PLCB4: variants seen among roughly 807,000 people sequenced by gnomAD.
PLCB4 encodes the protein 1-phosphatidylinositol 4,5-bisphosphate phosphodiesterase beta-4.
In PLCB4, 77 loss-of-function variants were observed where a neutral mutation model predicts 178.8. The ratio of observed to expected loss-of-function variants is 0.43; its 90% CI spans 0.36 to 0.52. The LOEUF (loss-of-function observed/expected upper bound fraction) is 0.52. Among genes scored for constraint, PLCB4 ranks in the 20% least tolerant of loss-of-function variants. PLCB4 has a pLI of 0.00. For synonymous variants in PLCB4, 496 were observed against 490.8 expected (o/e 1.01, Z -0.14); for missense variants, 1,024 against 1,453.4 (o/e 0.70, Z 4.80).
intron 3 of PLCB4, among the ~76,000 whole-genome samples, chr20:9,221,684 G>A (rs2093800695): frequency 6.6e-6 from 1 of 152,108 alleles, no homozygotes; most frequent in Non-Finnish European, 1.5e-5. Context: ...TGCAGTGTTG[G>A]GAGACACCTA....
intron 35 of PLCB4, among the ~76,000 whole-genome samples, chr20:9,461,011 C>T (rs549806020): frequency 3.0e-4 from 46 of 152,238 alleles, no homozygotes; most frequent in African/African-American, 1.1e-3. Flanking sequence ...ATTCACTATG[C>T]AGAAAGTTGT....
chr20:9,098,739 ATATGTG>A (rs2091020336), intron 2 of PLCB4, among the ~76,000 whole-genome samples: 1 of 49,256 alleles, frequency 2.0e-5, no homozygotes, highest in African/African-American at 8.1e-5. Context: ...ATATATACAT[ATATGTG>A]TGTGTGTGTG....
At chr20:9,124,336 A>AG (rs2092054504) in intron 2 of PLCB4, among the ~76,000 whole-genome samples, 1 of 152,118 alleles carries the variant, frequency 6.6e-6, no homozygotes, top group South Asian at 2.1e-4. Context: ...AAATAAAAAA[A>AG]TAAAAATTAC....
intron 3 of PLCB4, among the ~76,000 whole-genome samples, chr20:9,304,710 G>C (rs1205211102): frequency 2.0e-5 from 3 of 152,044 alleles, no homozygotes; most frequent in Non-Finnish European, 4.4e-5. Flanking sequence ...CACATGCTTA[G>C]ATATTAATGG....
intron 2 of PLCB4, among the ~76,000 whole-genome samples, chr20:9,215,034 A>T (rs2093714129): frequency 6.6e-6 from 1 of 152,182 alleles, no homozygotes; most frequent in African/African-American, 2.4e-5. Flanking sequence ...ATGGTATGGC[A>T]GGATCATTAA....
Position 9,408,727 on chromosome 20 carries a change from T to C in PLCB4, c.1874+10T>C, listed in dbSNP as rs759413726. ...CAATTGAATTTGTCAAGTATCCTTATGTATCAAGTGGAATGAGTGGTTGAC... is the reference window on the plus strand; with the variant it reads ...CAATTGAATTTGTCAAGTATCCTTACGTATCAAGTGGAATGAGTGGTTGAC... On this transcript the variant is annotated intron_variant, in intron 23 of 39. Transcript: ENST00000378473. 7 of 1,431,426 alleles carry C rather than the reference T, an allele frequency of 4.9e-6. No individual in the cohort carries two copies. Among genetic ancestry groups the C allele is most frequent in the Middle Eastern group, 1.7e-4 (1 of 5,796 alleles). The allele number at this position is 1,431,426 out of a possible 1,614,324, so 88.7% of individuals were successfully genotyped here. A position where few individuals can be genotyped will look rare whatever the true frequency, so the allele number is the denominator to read the frequency against.
At chr20:9,269,726 A>G (rs1014248229) in intron 3 of PLCB4, among the ~76,000 whole-genome samples, 1 of 152,204 alleles carries the variant, frequency 6.6e-6, no homozygotes, top group Non-Finnish European at 1.5e-5. Flanking sequence ...AAGATTTAAT[A>G]CATGGGGATT....
At chr20:9,338,851 T>C in intron 6 of PLCB4, 43 bp from the exon 7 acceptor site, 1 of 1,530,714 alleles carries the variant, frequency 6.5e-7, no homozygotes, top group Non-Finnish European at 9.0e-7. Flanking sequence ...CCATGCTCTG[T>C]GATGTAACTT....
intron 3 of PLCB4, among the ~76,000 whole-genome samples, chr20:9,232,248 T>C (rs2093941237): frequency 6.6e-6 from 1 of 152,168 alleles, no homozygotes; most frequent in African/African-American, 2.4e-5. Flanking sequence ...CCAGTTAGCA[T>C]AGATACATTT....
chr20:9,110,613 C>G (rs1474141629), intron 2 of PLCB4, among the ~76,000 whole-genome samples: 3 of 152,170 alleles, frequency 2.0e-5, no homozygotes, highest in Non-Finnish European at 4.4e-5. Flanking sequence ...CACCAGAAAT[C>G]TGAGAACAGT....
intron 2 of PLCB4, among the ~76,000 whole-genome samples, chr20:9,201,582 T>C (rs150647489): frequency 8.3e-4 from 127 of 152,306 alleles, no homozygotes; most frequent in African/African-American, 2.8e-3. Flanking sequence ...AAAAAGGACA[T>C]AATAATACAT....
In PLCB4 at chr20:9,190,051, A is replaced by T. The variant is rs374599200; in HGVS notation, c.-78-27339A>T. Among the ~76,000 whole-genome samples the T allele has an allele frequency of 4.6e-5, 7 of 152,222 alleles. No homozygotes were observed. The East Asian group carries it at 1.2e-3, about 25-fold the overall frequency. On this transcript the variant is annotated intron_variant, in intron 2 of 39. Transcript: ENST00000378473. ...AGGCACAAACTCACATTTGGTTGAG[A>T]ACCACTGCTTCACACCAAAGTAAGG...
intron 4 of PLCB4, among the ~76,000 whole-genome samples, chr20:9,309,802 T>G (rs2094809535): frequency 6.6e-6 from 1 of 152,220 alleles, no homozygotes. Flanking sequence ...GAATCCTTCT[T>G]ATTGCTTGTG....
At chr20:9,386,251 A>C (rs2037652985) in intron 14 of PLCB4, among the ~76,000 whole-genome samples, 1 of 151,012 alleles carries the variant, frequency 6.6e-6, no homozygotes, top group African/African-American at 2.4e-5. Context: ...AGACCGAAGA[A>C]AGGAGGGAGG....
At chr20:9,384,150 A>G in intron 13 of PLCB4, 51 bp from the exon 14 acceptor site, 1 of 1,302,502 alleles carries the variant, frequency 7.7e-7, no homozygotes, top group East Asian at 2.3e-5. Context: ...AAAACATGAG[A>G]TATGCATCTT....
At chr20:9,106,580 A>T (rs922308464) in intron 2 of PLCB4, among the ~76,000 whole-genome samples, 1 of 152,004 alleles carries the variant, frequency 6.6e-6, no homozygotes, top group Non-Finnish European at 1.5e-5. Context: ...ATCAGACATA[A>T]AATTAACTCT....
chr20:9,158,714 TC>T (rs2092833562), intron 2 of PLCB4, among the ~76,000 whole-genome samples: 1 of 152,174 alleles, frequency 6.6e-6, no homozygotes. Context: ...TTAGTGTTAT[TC>T]AATCCTAAGT....
chr20:9,342,684 A>T (rs1601963318), intron 7 of PLCB4, among the ~76,000 whole-genome samples: 7 of 140,406 alleles, frequency 5.0e-5, no homozygotes, highest in African/African-American at 8.0e-5. Flanking sequence ...CCTGTACTTT[A>T]CTCTGAATGC....
intron 3 of PLCB4, among the ~76,000 whole-genome samples, chr20:9,304,418 T>TG (rs2094741159): frequency 6.6e-6 from 1 of 151,926 alleles, no homozygotes; most frequent in Non-Finnish European, 1.5e-5. Context: ...CACATGTGTG[T>TG]GGGTAGCCAG....
Sources: gnomAD v4.1 joint callset for allele counts (sites outside exome capture counted in the v4.1 genomes callset) on GRCh38, gnomAD v4.1.1 for gene constraint, MANE v1.5 for transcripts, NCBI Gene and HGNC (gene_info 2026-07-23, HGNC 2026-07-21) for gene names.